The following PTCHD4 variants were observed in gnomAD, a reference collection of about 807,000 sequenced individuals.
PTCHD4 encodes the protein patched domain-containing protein 4.
Under a neutral mutation model 58.1 loss-of-function variants are expected in PTCHD4, and 33 were observed. The observed-to-expected ratio is 0.57, with a 90% CI of 0.43 to 0.76. The LOEUF is 0.76. PTCHD4 is among the 30% of genes least tolerant of loss of function. PTCHD4 has a pLI of 0.00. For missense variants in PTCHD4, 1,058 were observed against 1,027.1 expected (o/e 1.03, Z -0.41); for synonymous variants, 478 against 409.6 (o/e 1.17, Z -2.02).
At chr6:47,984,419 A>G (rs1767989959) in intron 4 of PTCHD4, among the ~76,000 whole-genome samples, 2 of 152,056 alleles carry the variant, frequency 1.3e-5, no homozygotes, top group Admixed American at 1.3e-4. Flanking sequence ...TGAGAACTCA[A>G]TCAATGTCAC....
chr6:48,101,826 C>A (rs1339098732), intron 1 of PTCHD4, among the ~76,000 whole-genome samples: 1 of 152,120 alleles, frequency 6.6e-6, no homozygotes, highest in Admixed American at 6.6e-5. Context: ...TCCCCTAATT[C>A]TTTTACTCCT....
At position 48,007,013 on chromosome 6, in the gene PTCHD4, T is replaced by C. The variant is rs147487105; in HGVS notation, c.898+1621A>G. 5.4e-3 allele frequency among the ~76,000 whole-genome samples: 817 copies of C among 152,166 alleles called. 8 individuals carry two copies. Among genetic ancestry groups the C allele is most frequent in the African/African-American group, 0.019 (775 of 41,532 alleles). On this transcript the variant is annotated intron_variant, in intron 4 of 4. Transcript: ENST00000339488. ...CAGCACTTTGGGAGGCTGAAGTGGGTGGATCACCTGAAATCAGGAGTTTGA... is the reference window on the plus strand; with the variant it reads ...CAGCACTTTGGGAGGCTGAAGTGGGCGGATCACCTGAAATCAGGAGTTTGA...
chr6:47,894,546 C>A (rs149198727), intron 4 of PTCHD4, among the ~76,000 whole-genome samples: 2 of 152,186 alleles, frequency 1.3e-5, no homozygotes, highest in Non-Finnish European at 2.9e-5. Flanking sequence ...GAACAGTAAA[C>A]GAGATAATCT....
intron 4 of PTCHD4, among the ~76,000 whole-genome samples, chr6:47,892,184 A>G (rs1385611121): frequency 3.3e-5 from 5 of 152,212 alleles, no homozygotes; most frequent in Non-Finnish European, 7.3e-5. Context: ...AGAGCAATGA[A>G]TGGAATAATC....
At chr6:47,976,655 A>AAAAT (rs141002670) in intron 4 of PTCHD4, among the ~76,000 whole-genome samples, 19,031 of 142,416 alleles carry the variant, frequency 0.13, 1,470 homozygotes, top group South Asian at 0.22. Context: ...ACTCCATATC[A>AAAAT]AAATAAATAA....
Position 47,878,813 on chromosome 6 carries a change from G to GA in PTCHD4, c.2021dup (p.Leu675ProfsTer14). On this transcript the variant is annotated frameshift_variant, in exon 5 of 5. Transcript: ENST00000339488. LOFTEE classifies it high-confidence loss of function. Reference sequence around the variant, plus strand: ...AGTTTCCCAGAGGGTGGATCACTAGGAAAAAAGTCAGGATTAACACCAGGA... The same window carrying GA: ...AGTTTCCCAGAGGGTGGATCACTAGGAAAAAAAGTCAGGATTAACACCAGGA... 2 of 1,613,532 alleles carry GA rather than the reference G, an allele frequency of 1.2e-6. No individual in the cohort carries two copies. The highest frequency in any genetic ancestry group is 1.7e-6 in the Non-Finnish European group (2 of 1,179,702).
chr6:47,886,341 G>T (rs1764194966), intron 4 of PTCHD4, among the ~76,000 whole-genome samples: 1 of 151,922 alleles, frequency 6.6e-6, no homozygotes, highest in African/African-American at 2.4e-5. Flanking sequence ...ATGATCTGTG[G>T]GTTTCTAGTT....
rs1207973135 is a variant in PTCHD4 at position 47,860,257 on chromosome 6, A to G, written c.*18046T>C. Reference sequence around the variant, plus strand: ...AATTTAAAGGTAGAAAACACATCATACTTTTTCTTCATCCCATATAGCACA... The same window carrying G: ...AATTTAAAGGTAGAAAACACATCATGCTTTTTCTTCATCCCATATAGCACA... On this transcript the variant is annotated 3_prime_UTR_variant, in exon 5 of 5. Coordinates refer to ENST00000339488, the MANE Select transcript of PTCHD4 (RefSeq NM_001384253.1). 6.6e-6 allele frequency among the ~76,000 whole-genome samples: 1 copy of G among 152,052 alleles called. No homozygotes were observed. Among genetic ancestry groups the G allele is most frequent in the Non-Finnish European group, 1.5e-5 (1 of 67,974 alleles).
At chr6:48,097,281 TA>T (rs1562048397) in intron 1 of PTCHD4, among the ~76,000 whole-genome samples, 1 of 152,158 alleles carries the variant, frequency 6.6e-6, no homozygotes, top group Non-Finnish European at 1.5e-5. Flanking sequence ...TTTTTATTGT[TA>T]AGATGTGGAA....
chr6:48,101,658 C>G (rs902617128), intron 1 of PTCHD4, among the ~76,000 whole-genome samples: 1 of 152,150 alleles, frequency 6.6e-6, no homozygotes, highest in Admixed American at 6.5e-5. Flanking sequence ...CCTGTTCATT[C>G]ATTTACTAGA....
Position 48,057,190 on chromosome 6 carries a change from G to GT in PTCHD4, c.417+11039dup, listed in dbSNP as rs759146154. ...GCGGCGGTTTTTTTTGTTTTTTTTTGTTTTTTTTGTTTTTTTTTTCTGAGC... is the reference window on the plus strand; with the variant it reads ...GCGGCGGTTTTTTTTGTTTTTTTTTGTTTTTTTTTGTTTTTTTTTTCTGAGC... On this transcript the variant is annotated intron_variant, in intron 3 of 4. Transcript: ENST00000339488. Among the ~76,000 whole-genome samples, 873 of 144,002 alleles carry GT rather than the reference G, an allele frequency of 6.1e-3. 8 individuals are homozygous for GT. Among genetic ancestry groups the GT allele is most frequent in the Non-Finnish European group, 7.9e-3 (518 of 65,608 alleles). 94.5% of individuals were successfully genotyped at this position (144,002 alleles called of 152,430 possible). A position where few individuals can be genotyped will look rare whatever the true frequency, so the allele number is the denominator to read the frequency against.
intron 4 of PTCHD4, among the ~76,000 whole-genome samples, chr6:47,984,778 G>A (rs1463613022): frequency 1.3e-5 from 2 of 151,792 alleles, no homozygotes; most frequent in Admixed American, 6.6e-5. Context: ...TAATGTTCAG[G>A]TAATTTGTCA....
chr6:48,079,961 C>G (rs981083427), intron 1 of PTCHD4, among the ~76,000 whole-genome samples: 8 of 139,794 alleles, frequency 5.7e-5, no homozygotes, highest in African/African-American at 2.1e-4. Context: ...AACCCTGCCC[C>G]TTATGATGAT....
intron 4 of PTCHD4, among the ~76,000 whole-genome samples, chr6:47,960,289 A>G (rs1767030364): frequency 6.6e-6 from 1 of 152,168 alleles, no homozygotes; most frequent in Non-Finnish European, 1.5e-5. Flanking sequence ...GATAGAAAAG[A>G]TGAAAAAGGG....
rs1356619995 is a variant in PTCHD4, at chr6:47,875,004, T to A, written c.*3299A>T. ...AACATCAAAGAGAGTGGAGCTCACA[T>A]GGCACTTTCCAATTCAAATTTAAAT... On this transcript the variant is annotated 3_prime_UTR_variant, in exon 5 of 5. Coordinates refer to ENST00000339488, the MANE Select transcript of PTCHD4 (RefSeq NM_001384253.1). Among the ~76,000 whole-genome samples the A allele has an allele frequency of 6.6e-6, 1 of 151,838 alleles. No individual in the cohort carries two copies. Among genetic ancestry groups the A allele is most frequent in the African/African-American group, 2.4e-5 (1 of 41,400 alleles).
chr6:47,992,723 T>C (rs1005024123), intron 4 of PTCHD4, among the ~76,000 whole-genome samples: 3 of 152,208 alleles, frequency 2.0e-5, no homozygotes, highest in African/African-American at 7.2e-5. Context: ...TAATAGTATC[T>C]GGATGGTGGT....
chr6:47,960,758 T>C (rs1767053042), intron 4 of PTCHD4, among the ~76,000 whole-genome samples: 1 of 151,958 alleles, frequency 6.6e-6, no homozygotes, highest in Non-Finnish European at 1.5e-5. Context: ...CAAAATAATA[T>C]GCTTATTTAC....
chr6:48,035,800 A>C (rs1484997232), intron 3 of PTCHD4, among the ~76,000 whole-genome samples: 1 of 152,164 alleles, frequency 6.6e-6, no homozygotes, highest in Non-Finnish European at 1.5e-5. Context: ...AGCTCAGTTT[A>C]GCCAGAATCT....
At chr6:48,076,973 T>C (rs2396847) in intron 1 of PTCHD4, among the ~76,000 whole-genome samples, 7,100 of 152,310 alleles carry the variant, frequency 0.047, 216 homozygotes, top group Non-Finnish European at 0.065. Flanking sequence ...TTTTCAATTT[T>C]GTCTGACTAT....
Sources: gnomAD v4.1 joint callset for allele counts (sites outside exome capture counted in the v4.1 genomes callset) on GRCh38, gnomAD v4.1.1 for gene constraint, MANE v1.5 for transcripts, NCBI Gene and HGNC (gene_info 2026-07-23, HGNC 2026-07-21) for gene names.